Variants in PEF1 observed in about 807,000 individuals in gnomAD.
The protein encoded by PEF1 is peflin.
Under a neutral mutation model 32.0 loss-of-function variants are expected in PEF1, and 17 were observed. The observed-to-expected ratio is 0.53, with a 90% CI of 0.36 to 0.80. PEF1 has a LOEUF of 0.80. PEF1 is among the 30% of genes least tolerant of loss of function. The pLI is 0.00. For missense variants in PEF1, 362 were observed against 369.1 expected (o/e 0.98, Z 0.16); for synonymous variants, 130 against 139.8 (o/e 0.93, Z 0.50).
intron 1 of PEF1, among the ~76,000 whole-genome samples, chr1:31,637,643 CAAAAAAAAAAAAAA>C (rs11291039): frequency 3.4e-5 from 2 of 58,544 alleles, no homozygotes; most frequent in Non-Finnish European, 6.1e-5. Context: ...ACCCTGTCTC[CAAAAAAAAAAAAAA>C]AAAAAAAAAA....
At chr1:31,642,851 C>CT (rs1287359266) in intron 1 of PEF1, among the ~76,000 whole-genome samples, 3 of 152,182 alleles carry the variant, frequency 2.0e-5, no homozygotes, top group Admixed American at 2.0e-4. Flanking sequence ...TTATTTCTCC[C>CT]TTTATACAGG....
chr1:31,637,925 T>C (rs1025941537), intron 1 of PEF1, among the ~76,000 whole-genome samples: 4 of 152,190 alleles, frequency 2.6e-5, no homozygotes, highest in African/African-American at 7.2e-5. Flanking sequence ...TATTGCTATA[T>C]TAATTACTGT....
chr1:31,633,786 T>A (rs367685273), intron 2 of PEF1, among the ~76,000 whole-genome samples: 2 of 151,898 alleles, frequency 1.3e-5, no homozygotes, highest in African/African-American at 4.8e-5. Context: ...AGAAACCCCG[T>A]CTCTACTAAA....
At chr1:31,644,777 G>A in intron 1 of PEF1, 64 bp downstream of exon 1, 2 of 1,612,092 alleles carry the variant, frequency 1.2e-6, no homozygotes, top group Non-Finnish European at 1.7e-6. Context: ...GAAAGAGCAG[G>A]GGGACGTCGG....
In PEF1 at chr1:31,633,174, A is replaced by T. The variant is rs1640161150; in HGVS notation, c.466T>A (p.Cys156Ser). 1 of 1,613,726 alleles carries T rather than the reference A, an allele frequency of 6.2e-7. No individual in the cohort carries two copies. The change falls in exon 3 of 5, where the codon TGC becomes AGC. Residue 156 changes from cysteine to serine, a missense_variant. Cys to Ser is a moderately radical substitution (Grantham distance 112, BLOSUM62 -1). Coordinates refer to ENST00000373703, the MANE Select transcript of PEF1 (RefSeq NM_012392.4). The stretch of plus-strand genomic sequence containing the variant: ...GGAGACTCACTTATCATCATGAGGC[A>T]GGTCTCATCATTGAATGAAGACCAA... ...CNWSSFNDET[C>S]LMMINMFDKT...
At chr1:31,644,309 T>C in intron 1 of PEF1, 2 of 947,554 alleles carry the variant, frequency 2.1e-6, no homozygotes, top group Non-Finnish European at 2.5e-6. Flanking sequence ...AAGTTCTGTG[T>C]CTTCTCGGGG....
chr1:31,636,999 G>C (rs1191439616), intron 1 of PEF1, among the ~76,000 whole-genome samples: 1 of 152,170 alleles, frequency 6.6e-6, no homozygotes, highest in Non-Finnish European at 1.5e-5. Context: ...CTCCGAGAAC[G>C]GCACCATCTA....
chr1:31,643,195 G>A (rs551926025), intron 1 of PEF1, among the ~76,000 whole-genome samples: 2 of 152,336 alleles, frequency 1.3e-5, no homozygotes, highest in South Asian at 4.1e-4. Context: ...AAAGCCGGGA[G>A]GCGGAGTTTC....
chr1:31,644,169 G>C (rs1640481471), intron 1 of PEF1: 1 of 163,932 alleles, frequency 6.1e-6, no homozygotes, highest in African/African-American at 2.4e-5. Context: ...ACCCAACAAA[G>C]AATTCTGGCC....
At chr1:31,631,902 G>A (rs894586060) in intron 4 of PEF1, among the ~76,000 whole-genome samples, 17 of 141,876 alleles carry the variant, frequency 1.2e-4, no homozygotes, top group African/African-American at 4.0e-4. Flanking sequence ...TCCCTCCTGG[G>A]TGGCAAAGCT....
At chr1:31,633,712 T>C (rs561162183) in intron 2 of PEF1, among the ~76,000 whole-genome samples, 4 of 152,152 alleles carry the variant, frequency 2.6e-5, no homozygotes, top group African/African-American at 7.2e-5. Context: ...TCCCAGCACT[T>C]TGGGAAGCCG....
intron 1 of PEF1, chr1:31,644,630 G>A (rs915286828): frequency 6.9e-6 from 10 of 1,444,550 alleles, no homozygotes; most frequent in Middle Eastern, 2.5e-4. Flanking sequence ...ACGTCAAGGG[G>A]GCGCGACACG....
In PEF1 at chr1:31,638,047, C is replaced by T. The variant is rs535645483; in HGVS notation, c.25-2525G>A. 2.4e-4 allele frequency among the ~76,000 whole-genome samples: 36 copies of T among 152,214 alleles called. No individual in the cohort carries two copies. In the East Asian group the frequency reaches 4.4e-3, roughly 19 times the overall value. On this transcript the variant is annotated intron_variant, in intron 1 of 4. Transcript: ENST00000373703. ...GACTTAACATGTAGACACTGTGTAA[C>T]GTCTAACAAAACAGCATAAGGAAAA... is the stretch of plus-strand genomic sequence containing the variant.
In PEF1 at chr1:31,632,606, C is replaced by T. The variant is rs759567297; in HGVS notation, c.514G>A (p.Asp172Asn). 83 of 1,614,044 alleles carry T rather than the reference C, an allele frequency of 5.1e-5. No individual in the cohort carries two copies. The highest frequency in any genetic ancestry group is 8.3e-5 in the Admixed American group (5 of 60,006). ...CACAGGGCTGAGAAGCCGTAGACAT[C>T]GATGCGGCCTGACTTGGTCTTGTCA... is the stretch of plus-strand genomic sequence containing the variant. ...MFDKTKSGRI[D>N]VYGFSALWKF... Residue 172 changes from aspartate to asparagine, a missense_variant, in exon 4 of 5, where the codon GAT (aspartate) becomes AAT (asparagine). Transcript: ENST00000373703.
chr1:31,635,545 G>T, intron 1 of PEF1, 23 bp from the exon 2 acceptor site: 2 of 1,505,292 alleles, frequency 1.3e-6, no homozygotes, highest in South Asian at 2.7e-5. Flanking sequence ...CAAGATATCA[G>T]TCAGAATGAT....
intron 2 of PEF1, chr1:31,634,844 C>T: frequency 2.1e-6 from 1 of 465,794 alleles, no homozygotes; most frequent in South Asian, 1.5e-5. Flanking sequence ...TTCAGAGAAG[C>T]TTTAAGAGGC....
intron 1 of PEF1, among the ~76,000 whole-genome samples, chr1:31,639,892 C>T (rs898659854): frequency 6.6e-6 from 1 of 152,180 alleles, no homozygotes; most frequent in Non-Finnish European, 1.5e-5. Flanking sequence ...TGGTCCCCAC[C>T]TCACAGAGGG....
intron 2 of PEF1, 107 bp from the exon 3 acceptor site, chr1:31,633,421 C>T: frequency 8.4e-7 from 1 of 1,187,732 alleles, no homozygotes; most frequent in Non-Finnish European, 1.2e-6. Context: ...ACAAATTCAC[C>T]TTCCCTGTCT....
rs750063064 is a variant in PEF1 at position 31,633,306 on chromosome 1, G to A, written c.334C>T (p.Pro112Ser). The change falls in exon 3 of 5, where the codon CCT (proline) becomes TCT (serine). Residue 112 changes from proline to serine, a missense_variant. Pro to Ser is a moderately conservative substitution (Grantham distance 74). Transcript: ENST00000373703. ...TAGGCCTCAGGATCCACATTGGGAGGGGCGCCACCTGGAGGAAGGGGTGTG... is the reference window on the plus strand; with the variant it reads ...TAGGCCTCAGGATCCACATTGGGAGAGGCGCCACCTGGAGGAAGGGGTGTG... ...QPGLYGQGGA[P>S]PNVDPEAYSW... 4.3e-5 allele frequency: 70 copies of A among 1,611,282 alleles called. No homozygotes were observed. The highest frequency in any genetic ancestry group is 1.7e-5 in the Admixed American group (1 of 59,712).
Sources: allele counts gnomAD v4.1 joint callset (sites outside exome capture counted in the v4.1 genomes callset), GRCh38; gene constraint gnomAD v4.1.1; transcripts MANE v1.5; gene names NCBI Gene and HGNC (gene_info 2026-07-23, HGNC 2026-07-21).